NCOA1: variants seen among roughly 807,000 people sequenced by gnomAD.
The protein encoded by NCOA1 is nuclear receptor coactivator 1.
In NCOA1, 35 loss-of-function variants were observed where a neutral mutation model predicts 150.9. That is an observed-to-expected ratio of 0.23 (90% CI 0.18 to 0.31). NCOA1 has a LOEUF of 0.31. Ranked by LOEUF, NCOA1 falls within the 10% of genes least tolerant of loss-of-function variation. The probability of loss-of-function intolerance (pLI) is 1.00; values close to 1 mark genes in which losing one functional copy is unlikely to be tolerated. For missense variants in NCOA1, 1,491 were observed against 1,749.3 expected (o/e 0.85, Z 2.63); for synonymous variants, 590 against 630.0 (o/e 0.94, Z 0.95).
chr2:24,753,477 C>G (rs1478019887), intron 20 of NCOA1, among the ~76,000 whole-genome samples: 1 of 152,198 alleles, frequency 6.6e-6, no homozygotes, highest in Non-Finnish European at 1.5e-5. Flanking sequence ...CCTACTCCTA[C>G]TCCTTGTTGA....
chr2:24,613,082 AT>A (rs915656133), intron 3 of NCOA1, among the ~76,000 whole-genome samples: 31 of 149,182 alleles, frequency 2.1e-4, no homozygotes, highest in South Asian at 6.3e-4. Flanking sequence ...TCCCTGTAAT[AT>A]TTTTTTTTTC....
At chr2:24,667,572 T>A (rs1456569819) in intron 6 of NCOA1, among the ~76,000 whole-genome samples, 1 of 152,086 alleles carries the variant, frequency 6.6e-6, no homozygotes, top group Non-Finnish European at 1.5e-5. Context: ...CTGGGAGACA[T>A]GAGGGAAGGT....
intron 11 of NCOA1, 62 bp downstream of exon 11, chr2:24,697,860 C>G (rs778721812): frequency 3.4e-5 from 49 of 1,454,442 alleles, no homozygotes; most frequent in Non-Finnish European, 4.6e-5. Context: ...TTGAATAGTT[C>G]GTATAGAACT....
chr2:24,662,557 T>A (rs745747730), intron 5 of NCOA1, among the ~76,000 whole-genome samples: 1 of 152,184 alleles, frequency 6.6e-6, no homozygotes, highest in Non-Finnish European at 1.5e-5. Context: ...TAAATAATCA[T>A]AATCAAAATG....
intron 7 of NCOA1, among the ~76,000 whole-genome samples, chr2:24,682,012 C>T (rs1672200858): frequency 6.6e-6 from 1 of 152,210 alleles, no homozygotes; most frequent in African/African-American, 2.4e-5. Context: ...CTGCGCCCGG[C>T]CCCGTGGCCT....
intron 3 of NCOA1, among the ~76,000 whole-genome samples, chr2:24,642,968 G>C (rs374210943): frequency 3.9e-5 from 6 of 152,296 alleles, no homozygotes; most frequent in African/African-American, 1.4e-4. Context: ...TTAAGGAAAG[G>C]GGAAGGTGGA....
At chr2:24,637,057 T>C (rs1669968416) in intron 3 of NCOA1, among the ~76,000 whole-genome samples, 1 of 151,890 alleles carries the variant, frequency 6.6e-6, no homozygotes. Context: ...CATTTCTTTT[T>C]TTTTGAGATT....
At chr2:24,761,145 G>A (rs1664774568) in intron 21 of NCOA1, among the ~76,000 whole-genome samples, 1 of 152,142 alleles carries the variant, frequency 6.6e-6, no homozygotes, top group African/African-American at 2.4e-5. Flanking sequence ...ACCACACCCG[G>A]CCAAATTTTG....
chr2:24,629,810 ATACATACATATATATATATATATATAT>A (rs1452920476), intron 3 of NCOA1, among the ~76,000 whole-genome samples: 1 of 96,666 alleles, frequency 1.0e-5, no homozygotes, highest in African/African-American at 4.5e-5. Context: ...TTTAAGTAAC[ATACATACATATATATATATATATATAT>A]ATATATATAT....
intron 2 of NCOA1, among the ~76,000 whole-genome samples, chr2:24,573,305 A>G (rs948732476): frequency 2.2e-4 from 33 of 152,172 alleles, no homozygotes; most frequent in African/African-American, 7.5e-4. Flanking sequence ...TACTGTCCCA[A>G]TAACCATTTA....
chr2:24,521,005 G>A (rs1664395404), intron 1 of NCOA1, among the ~76,000 whole-genome samples: 1 of 151,138 alleles, frequency 6.6e-6, no homozygotes, highest in South Asian at 2.1e-4. Flanking sequence ...TGCTTTTGAT[G>A]TTCTTTTCCC....
At chr2:24,706,355 G>A (rs911281283) in intron 12 of NCOA1, among the ~76,000 whole-genome samples, 1 of 151,958 alleles carries the variant, frequency 6.6e-6, no homozygotes, top group South Asian at 2.1e-4. Flanking sequence ...GAGTCGATAA[G>A]CATTATTTCT....
rs551749605 is a variant in NCOA1, at chr2:24,555,872, G to A, written c.-395-8423G>A. On this transcript the variant is annotated intron_variant, in intron 1 of 22. Coordinates refer to ENST00000348332, the MANE Select transcript of NCOA1 (RefSeq NM_003743.5). ...TAGTTGGATCTTGTTTTAAACATTT[G>A]ATCTCATAATTTATTCTTTTAATTA... is the stretch of plus-strand genomic sequence containing the variant. 2.6e-5 allele frequency: 4 copies of A among 152,204 alleles called. No individual in the cohort carries two copies. In the East Asian group the frequency reaches 7.7e-4, roughly 29 times the overall value. 9.4% of individuals were successfully genotyped at this position (152,204 alleles called of 1,614,324 possible).
intron 3 of NCOA1, among the ~76,000 whole-genome samples, chr2:24,611,317 C>T (rs932961180): frequency 6.6e-6 from 1 of 152,118 alleles, no homozygotes; most frequent in Non-Finnish European, 1.5e-5. Flanking sequence ...TCGTGGTATA[C>T]GTGTACCACA....
At chr2:24,560,135 TGA>T (rs957610843) in intron 1 of NCOA1, among the ~76,000 whole-genome samples, 20 of 152,296 alleles carry the variant, frequency 1.3e-4, no homozygotes, top group African/African-American at 4.8e-4. Flanking sequence ...ATCTTGCAAC[TGA>T]GAGAACTTTC....
intron 1 of NCOA1, among the ~76,000 whole-genome samples, chr2:24,553,675 A>G (rs1473668858): frequency 6.6e-6 from 1 of 152,120 alleles, no homozygotes; most frequent in African/African-American, 2.4e-5. Flanking sequence ...CTTTCAGTAT[A>G]TTGGCTAGAT....
intron 6 of NCOA1, among the ~76,000 whole-genome samples, chr2:24,673,126 A>T (rs967768535): frequency 2.6e-5 from 4 of 152,244 alleles, no homozygotes; most frequent in Non-Finnish European, 5.9e-5. Context: ...TGGATGTAGT[A>T]TTCAAATGTT....
intron 19 of NCOA1, among the ~76,000 whole-genome samples, chr2:24,748,350 G>T (rs1415737867): frequency 6.6e-6 from 1 of 152,092 alleles, no homozygotes; most frequent in Admixed American, 6.5e-5. Flanking sequence ...GGTGGCTCAC[G>T]CCTGTAATCC....
At chr2:24,581,745 C>T (rs1006135611) in intron 2 of NCOA1, among the ~76,000 whole-genome samples, 1 of 152,106 alleles carries the variant, frequency 6.6e-6, no homozygotes, top group African/African-American at 2.4e-5. Context: ...AATCCAACAG[C>T]ACATCAAAAA....
Sources: gnomAD v4.1 joint callset for allele counts (sites outside exome capture counted in the v4.1 genomes callset) on GRCh38, gnomAD v4.1.1 for gene constraint, MANE v1.5 for transcripts, NCBI Gene and HGNC (gene_info 2026-07-23, HGNC 2026-07-21) for gene names.